Variants in ZNF44 observed in about 807,000 individuals in gnomAD.
The protein encoded by ZNF44 is gonadotropin inducible transcription repressor-2.
ZNF44 carries 9 observed loss-of-function variants against 11.7 expected under a neutral mutation model. The observed-to-expected ratio is 0.77, with a 90% CI of 0.46 to 1.35. The LOEUF (loss-of-function observed/expected upper bound fraction) is 1.35. Among genes scored for constraint, ZNF44 ranks in the 40% most tolerant of loss-of-function variants. The probability of loss-of-function intolerance (pLI) is 0.00; values close to 1 mark genes in which losing one functional copy is unlikely to be tolerated. For synonymous variants in ZNF44, 224 were observed against 242.7 expected (o/e 0.92, Z 0.72); for missense variants, 696 against 743.1 (o/e 0.94, Z 0.74).
chr19:12,232,312 G>C (rs1330160958), intron 2 of ZNF44, among the ~76,000 whole-genome samples: 6 of 152,086 alleles, frequency 3.9e-5, no homozygotes, highest in Admixed American at 3.9e-4. Context: ...CCTTCCTCTT[G>C]TCTCAACTGC....
chr19:12,280,892 C>T (rs564653923), intron 1 of ZNF44, among the ~76,000 whole-genome samples: 45 of 152,198 alleles, frequency 3.0e-4, no homozygotes, highest in Admixed American at 1.3e-3. Flanking sequence ...CAATCCTACA[C>T]GACATAATAA....
intron 5 of ZNF44, chr19:12,266,143 AG>A (rs1917718466): frequency 1.7e-6 from 1 of 600,298 alleles, no homozygotes; most frequent in East Asian, 1.4e-4. Context: ...AAGGGGACCG[AG>A]GGCCGAGCTG....
intron 5 of ZNF44, chr19:12,250,895 G>A (rs1053628022): frequency 4.5e-6 from 2 of 442,136 alleles, no homozygotes; most frequent in Non-Finnish European, 9.1e-6. Flanking sequence ...GGATATTCGA[G>A]GTAGTCAGAT....
chr19:12,290,630 G>C (rs1314676956), intron 1 of ZNF44, among the ~76,000 whole-genome samples: 4 of 151,962 alleles, frequency 2.6e-5, no homozygotes, highest in Non-Finnish European at 4.4e-5. Flanking sequence ...AACCCGGAAG[G>C]CAGAGGTTGC....
chr19:12,280,955 CA>C (rs1328133645), intron 1 of ZNF44, among the ~76,000 whole-genome samples: 2 of 152,076 alleles, frequency 1.3e-5, no homozygotes, highest in Non-Finnish European at 2.9e-5. Context: ...AATGCAAAAA[CA>C]TATAAAACCA....
rs1968182234 is a variant in ZNF44 at position 12,294,837 on chromosome 19, AG to A, written c.-144del. 3 of 936,370 alleles carry A rather than the reference AG, an allele frequency of 3.2e-6. No homozygotes were observed. In the South Asian group the frequency reaches 5.6e-5, roughly 17 times the overall value. 58.0% of individuals were successfully genotyped at this position (936,370 alleles called of 1,614,324 possible). A position where few individuals can be genotyped will look rare whatever the true frequency, so the allele number is the denominator to read the frequency against. On this transcript the variant is annotated 5_prime_UTR_variant, in exon 1 of 4. Coordinates refer to ENST00000355684, the MANE Select transcript of ZNF44 (RefSeq NM_016264.4). ...AGGTCACCAGGGTGAAGAGGCCACT[AG>A]CTCCTGGAACGTCACACCCTCCTCT...
chr19:12,225,934 C>T (rs775112081), downstream of ZNF44, among the ~76,000 whole-genome samples: 4 of 152,100 alleles, frequency 2.6e-5, no homozygotes, highest in African/African-American at 4.8e-5. Flanking sequence ...TCAGAAAGCA[C>T]AGCTATTTTG....
rs2145704673 is a variant in ZNF44 at position 12,260,474 on chromosome 19, C to T, written c.1913-10106G>A. ...CAGCCATCCGCAGGGTCAGCGCCATCCTGTGCAGCCAGAAGCCTGTGATGG... is the reference window on the plus strand; with the variant it reads ...CAGCCATCCGCAGGGTCAGCGCCATTCTGTGCAGCCAGAAGCCTGTGATGG... On this transcript the variant is annotated intron_variant and NMD_transcript_variant, in intron 5 of 7. Coordinates refer to the ZNF44 transcript ENST00000393337. The T allele has an allele frequency of 6.7e-6, 9 of 1,334,558 alleles. No individual in the cohort carries two copies. In the South Asian group the frequency reaches 1.1e-4, roughly 17 times the overall value. 82.7% of individuals were successfully genotyped at this position (1,334,558 alleles called of 1,614,324 possible). A position where few individuals can be genotyped will look rare whatever the true frequency, so the allele number is the denominator to read the frequency against.
At chr19:12,268,454 A>C (rs560227130), downstream of ZNF44, among the ~76,000 whole-genome samples, 12 of 152,212 alleles carry the variant, frequency 7.9e-5, no homozygotes, top group Non-Finnish European at 1.8e-4. Context: ...GTCTAACATT[A>C]TACTAGTAAA....
chr19:12,294,136 G>A (rs1237626845), intron 1 of ZNF44, among the ~76,000 whole-genome samples: 2 of 152,266 alleles, frequency 1.3e-5, no homozygotes, highest in African/African-American at 2.4e-5. Context: ...CGGAAAGGCT[G>A]GCGCCAAGCA....
chr19:12,245,543 A>G (rs1916746584), downstream of ZNF44, among the ~76,000 whole-genome samples: 1 of 152,162 alleles, frequency 6.6e-6, no homozygotes, highest in Non-Finnish European at 1.5e-5. Context: ...GCAACAGAGG[A>G]ACAAGCCCCC....
downstream of ZNF44, among the ~76,000 whole-genome samples, chr19:12,246,824 G>A (rs138014378): frequency 2.2e-3 from 334 of 150,096 alleles, no homozygotes; most frequent in South Asian, 5.7e-3. Context: ...CTAGAAGTCC[G>A]CGGCCAGCCT....
chr19:12,252,953 T>C (rs745341288), intron 5 of ZNF44, among the ~76,000 whole-genome samples: 21 of 130,080 alleles, frequency 1.6e-4, no homozygotes, highest in Middle Eastern at 4.8e-3. Context: ...ACTGGCACAA[T>C]CTTGGCTCAC....
downstream of ZNF44, among the ~76,000 whole-genome samples, chr19:12,225,438 G>GT (rs1186214630): frequency 7.9e-5 from 12 of 151,990 alleles, no homozygotes; most frequent in East Asian, 1.9e-4. Context: ...TTTTTAGCTT[G>GT]TTTTTTTTAA....
intron 1 of ZNF44, among the ~76,000 whole-genome samples, chr19:12,282,444 C>T (rs1165857519): frequency 6.8e-5 from 7 of 102,882 alleles, no homozygotes; most frequent in Admixed American, 3.7e-4. Flanking sequence ...TTTTTTGAGA[C>T]GGAGTCTTGC....
At chr19:12,284,749 C>T in intron 1 of ZNF44, 1 of 794,546 alleles carries the variant, frequency 1.3e-6, no homozygotes, top group Non-Finnish European at 2.1e-6. Flanking sequence ...GAGGCAGCCA[C>T]TGCCATCCGC....
chr19:12,276,201 G>A (rs1453078522), intron 1 of ZNF44, 119 bp from the exon 2 acceptor site: 2 of 1,440,600 alleles, frequency 1.4e-6, no homozygotes, highest in Non-Finnish European at 1.9e-6. Context: ...CAATGACGTG[G>A]TAAATCCACT....
rs1365883807 is a variant in ZNF44, at chr19:12,286,461, C to T, written c.3+8231G>A. ...CCAGCATGGCCAAGATGATGAAACC[C>T]CGTCTCTACTAAAAATACAAAAATT... is the stretch of plus-strand genomic sequence containing the variant. On this transcript the variant is annotated intron_variant, in intron 1 of 3. Transcript: ENST00000355684. Among the ~76,000 whole-genome samples the T allele has an allele frequency of 3.3e-5, 5 of 151,632 alleles. No homozygotes were observed. In the East Asian group the frequency reaches 7.8e-4, roughly 24 times the overall value.
At chr19:12,247,309 G>A, downstream of ZNF44, 1 of 1,273,830 alleles carries the variant, frequency 7.9e-7, no homozygotes. Flanking sequence ...ACATGGTATT[G>A]TAAGGATGCA....
Sources: allele counts gnomAD v4.1 joint callset (sites outside exome capture counted in the v4.1 genomes callset), GRCh38; gene constraint gnomAD v4.1.1; transcripts MANE v1.5; gene names NCBI Gene and HGNC (gene_info 2026-07-23, HGNC 2026-07-21).